Variants in ACACA observed in about 807,000 individuals in gnomAD.
The protein encoded by ACACA is acetyl-CoA carboxylase 1.
In ACACA, 103 loss-of-function variants were observed where a neutral mutation model predicts 296.1. That is an observed-to-expected ratio of 0.35 (90% confidence interval 0.30 to 0.41). ACACA has a LOEUF of 0.41. Ranked by LOEUF, ACACA falls within the 10% of genes least tolerant of loss-of-function variation. The pLI is 1.00. For missense variants in ACACA, 1,554 were observed against 2,989.7 expected (o/e 0.52, Z 11.20); for synonymous variants, 953 against 1,038.6 (o/e 0.92, Z 1.58).
chr17:37,196,974 G>A (rs2145191777), intron 35 of ACACA, among the ~76,000 whole-genome samples: 1 of 152,082 alleles, frequency 6.6e-6, no homozygotes, highest in East Asian at 1.9e-4. Context: ...TCAAAGTTAG[G>A]CAGTTATTCA....
intron 3 of ACACA, among the ~76,000 whole-genome samples, chr17:37,323,919 C>T (rs1237054737): frequency 6.6e-6 from 1 of 152,206 alleles, no homozygotes; most frequent in Non-Finnish European, 1.5e-5. Flanking sequence ...CTGTTATATG[C>T]CACCAAATCA....
At chr17:37,190,393 G>A (rs566808349) in intron 38 of ACACA, among the ~76,000 whole-genome samples, 1 of 151,588 alleles carries the variant, frequency 6.6e-6, no homozygotes, top group East Asian at 2.0e-4. Context: ...TGGTGCCACT[G>A]CTTCAGCCTG....
intron 18 of ACACA, among the ~76,000 whole-genome samples, chr17:37,247,666 C>T (rs1254414785): frequency 1.3e-5 from 2 of 152,150 alleles, no homozygotes; most frequent in Non-Finnish European, 2.9e-5. Context: ...CGCGCCCAGC[C>T]ACATTTGTGA....
At position 37,357,871 on chromosome 17, in the gene ACACA, C is replaced by G. The variant is rs531410638; in HGVS notation, c.39-18021G>C. 3.9e-5 allele frequency among the ~76,000 whole-genome samples: 6 copies of G among 152,180 alleles called. No individual in the cohort carries two copies. In the South Asian group the frequency reaches 1.2e-3, roughly 32 times the overall value. On this transcript the variant is annotated intron_variant, in intron 1 of 55. Transcript: ENST00000616317. ...GGACAAATATGAGTATTCTTCCCTG[C>G]TGAGTGAGAAAAGACCATGTAACCA...
At chr17:37,129,800 C>G (rs955160365) in intron 46 of ACACA, among the ~76,000 whole-genome samples, 1 of 152,150 alleles carries the variant, frequency 6.6e-6, no homozygotes, top group Non-Finnish European at 1.5e-5. Flanking sequence ...GAGGAGGAAC[C>G]TTAATATACT....
chr17:37,158,702 C>T (rs989087974), intron 42 of ACACA, among the ~76,000 whole-genome samples: 2 of 152,018 alleles, frequency 1.3e-5, no homozygotes, highest in Non-Finnish European at 2.9e-5. Flanking sequence ...AGGAGTAGTC[C>T]AGGGACCAAG....
Position 37,115,052 on chromosome 17 carries a change from G to A in ACACA, c.6275-1787C>T, listed in dbSNP as rs1300173552. Among the ~76,000 whole-genome samples, 4 of 152,200 alleles carry A rather than the reference G, an allele frequency of 2.6e-5. No homozygotes were observed. The South Asian group carries it at 6.2e-4, about 24-fold the overall frequency. On this transcript the variant is annotated intron_variant, in intron 50 of 55. Transcript: ENST00000616317. ...ACCTGGTGTGTCTGTGAAGACTTCAGAAATTCCAAGTTACCCCAGAAAACA... is the reference window on the plus strand; with the variant it reads ...ACCTGGTGTGTCTGTGAAGACTTCAAAAATTCCAAGTTACCCCAGAAAACA...
intron 50 of ACACA, among the ~76,000 whole-genome samples, 186 bp downstream of exon 50, chr17:37,121,169 T>C (rs1045532773): frequency 6.6e-6 from 1 of 152,226 alleles, no homozygotes; most frequent in African/African-American, 2.4e-5. Flanking sequence ...AAATTCTGTA[T>C]GGAATTATAA....
chr17:37,243,711 C>A, intron 21 of ACACA, 152 bp from the exon 22 acceptor site: 1 of 767,282 alleles, frequency 1.3e-6, no homozygotes, highest in East Asian at 2.7e-5. Context: ...CTACGGAACC[C>A]ATGTATAGAA....
At chr17:37,388,382 C>T (rs1190221768) in intron 1 of ACACA, among the ~76,000 whole-genome samples, 1 of 152,078 alleles carries the variant, frequency 6.6e-6, no homozygotes, top group African/African-American at 2.4e-5. Flanking sequence ...TTTCTTCCTG[C>T]GAGCAGTGTA....
chr17:37,141,065 G>C, intron 45 of ACACA: 1 of 430,000 alleles, frequency 2.3e-6, no homozygotes, highest in Admixed American at 2.8e-5. Context: ...TTAACACCCA[G>C]ACCAACATGG....
intron 40 of ACACA, among the ~76,000 whole-genome samples, chr17:37,180,453 G>A (rs1474329259): frequency 6.6e-6 from 1 of 152,094 alleles, no homozygotes; most frequent in Non-Finnish European, 1.5e-5. Flanking sequence ...GTATTGACTA[G>A]GAGACTTGGA....
intron 1 of ACACA, among the ~76,000 whole-genome samples, chr17:37,349,111 A>G (rs867440045): frequency 2.6e-5 from 4 of 150,988 alleles, no homozygotes; most frequent in Admixed American, 2.6e-4. Flanking sequence ...CCCAGATGTG[A>G]GTGCAGTGGC....
intron 54 of ACACA, among the ~76,000 whole-genome samples, chr17:37,093,076 T>C (rs180679629): frequency 8.2e-4 from 125 of 152,326 alleles, no homozygotes; most frequent in African/African-American, 3.0e-3. Context: ...GGTTCTACCT[T>C]ACCTCCTCCC....
chr17:37,124,575 C>T (rs545137149), intron 48 of ACACA, among the ~76,000 whole-genome samples: 19 of 152,318 alleles, frequency 1.2e-4, no homozygotes, highest in African/African-American at 4.6e-4. Flanking sequence ...GTTCTCGCTC[C>T]AGTGTATCTC....
chr17:37,271,132 T>A (rs1297489391), intron 9 of ACACA, among the ~76,000 whole-genome samples: 1 of 152,180 alleles, frequency 6.6e-6, no homozygotes, highest in Non-Finnish European at 1.5e-5. Context: ...TAATGTCACA[T>A]GGGTCAAAAA....
intron 41 of ACACA, among the ~76,000 whole-genome samples, chr17:37,164,641 A>G (rs1446400566): frequency 6.6e-6 from 1 of 152,204 alleles, no homozygotes; most frequent in Non-Finnish European, 1.5e-5. Context: ...TGTGGTTTCT[A>G]AGAAGCTAGT....
chr17:37,301,353 A>T, intron 3 of ACACA: 34 of 984,760 alleles, frequency 3.5e-5, no homozygotes, highest in Non-Finnish European at 4.1e-5. Context: ...TTAATCTACC[A>T]TGAACAGTGT....
chr17:37,348,892 T>A (rs2048753419), intron 1 of ACACA, among the ~76,000 whole-genome samples: 1 of 143,322 alleles, frequency 7.0e-6, no homozygotes, highest in Non-Finnish European at 1.5e-5. Context: ...GAGCTTACAG[T>A]GAGCCGAGAT....
Sources: gnomAD v4.1 joint callset for allele counts (sites outside exome capture counted in the v4.1 genomes callset) on GRCh38, gnomAD v4.1.1 for gene constraint, MANE v1.5 for transcripts, NCBI Gene and HGNC (gene_info 2026-07-23, HGNC 2026-07-21) for gene names.